HLCS: variants seen among roughly 807,000 people sequenced by gnomAD.
The protein encoded by HLCS is biotin--protein ligase.
A neutral mutation model predicts 75.0 loss-of-function variants in HLCS; 53 were observed. The ratio of observed to expected loss-of-function variants is 0.71; its 90% CI spans 0.57 to 0.89. The LOEUF (loss-of-function observed/expected upper bound fraction) is 0.89. Among genes scored for constraint, HLCS ranks in the 40% least tolerant of loss-of-function variants. The probability of loss-of-function intolerance (pLI) is 0.00; values close to 1 mark genes in which losing one functional copy is unlikely to be tolerated. For missense variants in HLCS, 966 were observed against 1,074.0 expected (o/e 0.90, Z 1.41); for synonymous variants, 431 against 428.6 (o/e 1.01, Z -0.07).
Position 36,896,999 on chromosome 21 carries a change from G to A in HLCS, c.1753C>T (p.Pro585Ser), listed in dbSNP as rs1569161351. 1 of 1,614,144 alleles carries A rather than the reference G, an allele frequency of 6.2e-7. No individual in the cohort carries two copies. The change falls in exon 6 of 11, where the codon CCT (proline) becomes TCT (serine). Residue 585 changes from proline to serine, a missense_variant. By Grantham distance (74) the Pro-to-Ser change is moderately conservative (BLOSUM62 -1). Transcript: ENST00000674895. ...SEVEITPSCI[P>S]VVTNMEAFSS... ...AAGGCCTCCATGTTGGTCACCACAG[G>A]TATACAAGATGGGGTTATTTCTACT...
intron 5 of HLCS, among the ~76,000 whole-genome samples, chr21:36,917,986 G>T (rs1456777124): frequency 6.6e-6 from 1 of 151,022 alleles, no homozygotes; most frequent in Non-Finnish European, 1.5e-5. Context: ...TCTTTCAAAA[G>T]TAGAAAAATA....
chr21:36,910,874 C>T lies in HLCS; in HGVS notation c.1621-13743G>A, dbSNP rs147179201. On this transcript the variant is annotated intron_variant, in intron 5 of 10. Coordinates refer to ENST00000674895, the MANE Select transcript of HLCS (RefSeq NM_001352514.2). ...GAGTTCCCAAAACTGCTGCTTCCTG[C>T]TTCCCACCCTGTGTTCTGCCACTAG... Among the ~76,000 whole-genome samples the T allele has an allele frequency of 6.5e-3, 996 of 152,248 alleles. 14 individuals carry two copies. Among genetic ancestry groups the T allele is most frequent in the African/African-American group, 0.022 (928 of 41,548 alleles).
Position 36,754,086 on chromosome 21 carries a change from A to C in HLCS, c.*160T>G, listed in dbSNP as rs2089461058. 2.4e-6 allele frequency: 2 copies of C among 833,822 alleles called. No individual in the cohort carries two copies. Among genetic ancestry groups the C allele is most frequent in the Non-Finnish European group, 3.7e-6 (2 of 534,754 alleles). 51.7% of individuals were successfully genotyped at this position (833,822 alleles called of 1,614,324 possible). A position where few individuals can be genotyped will look rare whatever the true frequency, so the allele number is the denominator to read the frequency against. On this transcript the variant is annotated 3_prime_UTR_variant, in exon 11 of 11. Coordinates refer to ENST00000674895, the MANE Select transcript of HLCS (RefSeq NM_001352514.2). The stretch of plus-strand genomic sequence containing the variant: ...CCCAGAGCCTCTTCAAACACCAAAG[A>C]AAACGACAACAAAACAAACCTAAAA...
chr21:36,839,247 G>A (rs1317918847), intron 6 of HLCS, among the ~76,000 whole-genome samples: 1 of 152,186 alleles, frequency 6.6e-6, no homozygotes, highest in Non-Finnish European at 1.5e-5. Context: ...ATGAAAAAAT[G>A]ACACACTTCT....
chr21:36,854,868 T>C (rs1009807790), intron 6 of HLCS, among the ~76,000 whole-genome samples: 2 of 152,198 alleles, frequency 1.3e-5, no homozygotes, highest in Non-Finnish European at 2.9e-5. Flanking sequence ...GAGAATCTGA[T>C]TCTATTTTTG....
rs574020445 is a variant in HLCS at position 36,842,667 on chromosome 21, C to CGGGAGG, written c.1892+54187_1892+54192dup. Among the ~76,000 whole-genome samples the CGGGAGG allele has an allele frequency of 7.6e-3, 1,164 of 152,210 alleles. 10 individuals carry two copies. Among genetic ancestry groups the CGGGAGG allele is most frequent in the Non-Finnish European group, 0.013 (907 of 68,012 alleles). Reference sequence around the variant, plus strand: ...CTGAGGCACGAGAATTGCTTGAACCCGGGAGGTGGAGGTTGCAGTAAGCCA... The same window carrying CGGGAGG: ...CTGAGGCACGAGAATTGCTTGAACCCGGGAGGGGGAGGTGGAGGTTGCAGTAAGCCA... On this transcript the variant is annotated intron_variant, in intron 6 of 10. Coordinates refer to ENST00000674895, the MANE Select transcript of HLCS (RefSeq NM_001352514.2). The surrounding 1 kb of genome is among the most constrained non-coding windows in gnomAD (Gnocchi z 4.2).
intron 8 of HLCS, among the ~76,000 whole-genome samples, chr21:36,760,767 G>T (rs552851838): frequency 1.3e-5 from 2 of 152,254 alleles, no homozygotes; most frequent in African/African-American, 4.8e-5. Flanking sequence ...GGGGGTGGGG[G>T]GGCTCTCCCT....
At chr21:36,890,452 T>C (rs1321511440) in intron 6 of HLCS, among the ~76,000 whole-genome samples, 1 of 152,186 alleles carries the variant, frequency 6.6e-6, no homozygotes, top group African/African-American at 2.4e-5. Context: ...GAGTTTTTAC[T>C]CTGGGGGTGG....
upstream of HLCS, among the ~76,000 whole-genome samples, chr21:36,968,058 C>T (rs557780282): frequency 3.0e-4 from 45 of 152,202 alleles, no homozygotes; most frequent in African/African-American, 7.7e-4. Flanking sequence ...TTCGTTCTGT[C>T]GCCCAGGCTG....
chr21:36,802,679 T>C (rs1287378092), intron 6 of HLCS, among the ~76,000 whole-genome samples: 1 of 152,182 alleles, frequency 6.6e-6, no homozygotes, highest in Non-Finnish European at 1.5e-5. Context: ...TTTCTTTGCG[T>C]CGTACTGAAC....
At chr21:36,989,334 TTTTTA>T in intron 1 of HLCS, among the ~76,000 whole-genome samples, 1 of 146,012 alleles carries the variant, frequency 6.8e-6, no homozygotes. Context: ...TTTTTTTTTT[TTTTTA>T]ATGAGACGGA....
chr21:36,759,048 G>A (rs1303774904), intron 9 of HLCS: 14 of 467,822 alleles, frequency 3.0e-5, no homozygotes, highest in Non-Finnish European at 6.2e-5. Flanking sequence ...GAATAATATT[G>A]CCCCTTGGTG....
At chr21:36,959,996 C>T (rs1049076982) in intron 2 of HLCS, among the ~76,000 whole-genome samples, 6 of 152,210 alleles carry the variant, frequency 3.9e-5, no homozygotes, top group Non-Finnish European at 5.9e-5. Context: ...TAAACACCCT[C>T]TTTGGGGCTC....
intron 6 of HLCS, among the ~76,000 whole-genome samples, chr21:36,888,233 G>C (rs1218756389): frequency 6.6e-6 from 1 of 151,630 alleles, no homozygotes; most frequent in Non-Finnish European, 1.5e-5. Context: ...CGACTTCAGG[G>C]GAGGAGGGTG....
intron 1 of HLCS, among the ~76,000 whole-genome samples, chr21:36,977,625 T>C (rs898508403): frequency 2.0e-5 from 3 of 152,250 alleles, no homozygotes; most frequent in African/African-American, 7.2e-5. Flanking sequence ...ATATTGAGCC[T>C]GTGTGAGTTG....
chr21:36,859,947 C>T (rs2063326819), intron 6 of HLCS, among the ~76,000 whole-genome samples: 3 of 152,186 alleles, frequency 2.0e-5, no homozygotes, highest in Non-Finnish European at 4.4e-5. Flanking sequence ...GGCACACTGG[C>T]CCTGACCCCA....
At chr21:36,898,889 T>G (rs2065124424) in intron 5 of HLCS, among the ~76,000 whole-genome samples, 1 of 151,676 alleles carries the variant, frequency 6.6e-6, no homozygotes, top group South Asian at 2.1e-4. Context: ...GGTGAAACCC[T>G]GTCTCTCCTA....
chr21:36,767,259 A>G lies in HLCS; in HGVS notation c.1919T>C (p.Met640Thr). Residue 640 changes from methionine (M) to threonine (T), a missense_variant, in exon 7 of 11, where the codon ATG becomes ACG. Physicochemically the swap from Met to Thr is moderately conservative, Grantham distance 81 (BLOSUM62 -1). Transcript: ENST00000674895. ...DGLMFQTPQE[M>T]GLIVIAARQT... The stretch of plus-strand genomic sequence containing the variant: ...CCGGGCCGCGATCACTATTAAGCCC[A>G]TTTCCTGCGGTGTCTGAAACATCAG... 1 of 1,614,166 alleles carries G rather than the reference A, an allele frequency of 6.2e-7. No individual in the cohort carries two copies. Among genetic ancestry groups the G allele is most frequent in the Non-Finnish European group, 8.5e-7 (1 of 1,180,044 alleles).
intron 8 of HLCS, among the ~76,000 whole-genome samples, chr21:36,762,684 C>T (rs975042726): frequency 2.6e-5 from 4 of 152,234 alleles, no homozygotes; most frequent in Non-Finnish European, 4.4e-5. Flanking sequence ...TCCCATCACA[C>T]AGGTGAGGCT....
Sources: gnomAD v4.1 joint callset for allele counts (sites outside exome capture counted in the v4.1 genomes callset) on GRCh38, gnomAD v4.1.1 for gene constraint, Gnocchi (gnomAD v3.1) non-coding constraint, MANE v1.5 for transcripts, NCBI Gene and HGNC (gene_info 2026-07-23, HGNC 2026-07-21) for gene names.